The following LYPD6B variants were observed in gnomAD, a reference collection of about 807,000 sequenced individuals.
The protein encoded by LYPD6B is ly6/PLAUR domain-containing protein 6B.
A neutral mutation model predicts 22.8 loss-of-function variants in LYPD6B; 17 were observed. That is an observed-to-expected ratio of 0.75 (90% CI 0.51 to 1.12). The LOEUF (loss-of-function observed/expected upper bound fraction) is 1.12. LYPD6B is among the 50% of genes most tolerant of loss of function. The probability of loss-of-function intolerance (pLI) is 0.00; values close to 1 mark genes in which losing one functional copy is unlikely to be tolerated. For missense variants in LYPD6B, 221 were observed against 258.3 expected, an observed-to-expected ratio of 0.86 and a Z score of 0.99; for synonymous variants, 106 against 91.6, an observed-to-expected ratio of 1.16 and a Z score of -0.90.
chr2:149,195,851 A>G (rs1692774985), intron 3 of LYPD6B, among the ~76,000 whole-genome samples: 1 of 152,146 alleles, frequency 6.6e-6, no homozygotes, highest in Non-Finnish European at 1.5e-5. Context: ...CAATATAGGT[A>G]TTTGATATCT....
At chr2:149,187,342 A>G in intron 3 of LYPD6B, 1 of 1,357,758 alleles carries the variant, frequency 7.4e-7, no homozygotes, top group South Asian at 1.8e-5. Flanking sequence ...TTAATTATTT[A>G]TGCCCAAATG....
At chr2:149,071,993 G>A (rs1010246441) in intron 1 of LYPD6B, among the ~76,000 whole-genome samples, 8 of 152,082 alleles carry the variant, frequency 5.3e-5, no homozygotes, top group Middle Eastern at 3.4e-3. Flanking sequence ...CTACAGTGGC[G>A]CAATCTCATT....
chr2:149,063,330 A>G (rs1558975775), intron 1 of LYPD6B, among the ~76,000 whole-genome samples: 1 of 152,132 alleles, frequency 6.6e-6, no homozygotes, highest in Non-Finnish European at 1.5e-5. Flanking sequence ...CCCGCCCCAT[A>G]ACACTATTGA....
intron 3 of LYPD6B, among the ~76,000 whole-genome samples, 156 bp downstream of exon 3, chr2:149,160,991 T>C (rs1690029774): frequency 6.6e-6 from 1 of 152,202 alleles, no homozygotes; most frequent in Non-Finnish European, 1.5e-5. Flanking sequence ...CACTGCTCAC[T>C]GTGATCCTGC....
chr2:149,042,911 A>G (rs1361529705), intron 1 of LYPD6B, among the ~76,000 whole-genome samples: 1 of 152,204 alleles, frequency 6.6e-6, no homozygotes, highest in Non-Finnish European at 1.5e-5. Context: ...TCAATTTTAT[A>G]GGATTTCTTT....
chr2:149,052,546 G>T (rs1424410375), intron 1 of LYPD6B, among the ~76,000 whole-genome samples: 1 of 152,198 alleles, frequency 6.6e-6, no homozygotes, highest in East Asian at 1.9e-4. Context: ...GTGGAAAATT[G>T]CTGAACTTCA....
intron 6 of LYPD6B, 46 bp from the exon 7 acceptor site, chr2:149,214,500 C>G: frequency 6.3e-7 from 1 of 1,585,598 alleles, no homozygotes; most frequent in Non-Finnish European, 8.7e-7. Context: ...TGCCCCTTCC[C>G]TCTTCTATTA....
chr2:149,117,735 T>G (rs963040887), intron 1 of LYPD6B, among the ~76,000 whole-genome samples: 3 of 152,196 alleles, frequency 2.0e-5, no homozygotes, highest in Non-Finnish European at 4.4e-5. Context: ...TTGTTCCAAT[T>G]TAGTCTTGCC....
At chr2:149,062,532 C>A (rs1684136258) in intron 1 of LYPD6B, among the ~76,000 whole-genome samples, 1 of 152,102 alleles carries the variant, frequency 6.6e-6, no homozygotes, top group African/African-American at 2.4e-5. Context: ...GGAAAAGCAA[C>A]AGGAAAATGA....
chr2:149,101,304 C>T (rs546218195), intron 1 of LYPD6B: 11 of 152,372 alleles, frequency 7.2e-5, no homozygotes, highest in African/African-American at 2.2e-4. Flanking sequence ...ACTGCGAATG[C>T]TTCGTTTTTC....
intron 3 of LYPD6B, among the ~76,000 whole-genome samples, chr2:149,196,261 A>G (rs989251361): frequency 1.3e-5 from 2 of 152,232 alleles, no homozygotes; most frequent in Non-Finnish European, 2.9e-5. Context: ...TATTGCTTTT[A>G]TAAGCTTGTC....
rs575565689 is a variant in LYPD6B, at chr2:149,083,562, G to A, written c.-67+44761G>A. ...TGTTTTAAAGAACGCCCCACATTAT[G>A]GGTTTCTTGATGGTTTCTTTGCATG... On this transcript the variant is annotated intron_variant, in intron 1 of 6. Coordinates refer to ENST00000409642, the MANE Select transcript of LYPD6B (RefSeq NM_177964.5). Among the ~76,000 whole-genome samples, 9 of 152,206 alleles carry A rather than the reference G, an allele frequency of 5.9e-5. No individual in the cohort carries two copies. The East Asian group carries it at 1.7e-3, about 29-fold the overall frequency.
At chr2:149,163,919 G>T (rs993989519) in intron 3 of LYPD6B, among the ~76,000 whole-genome samples, 19 of 152,174 alleles carry the variant, frequency 1.2e-4, no homozygotes, top group Non-Finnish European at 1.8e-4. Flanking sequence ...AGGAAAGAAA[G>T]TGAATATCCA....
At chr2:149,040,448 ACTC>A (rs1660292166) in intron 1 of LYPD6B, among the ~76,000 whole-genome samples, 1 of 151,764 alleles carries the variant, frequency 6.6e-6, no homozygotes, top group Admixed American at 6.6e-5. Flanking sequence ...CTGGTCTCGA[ACTC>A]CTAACCTCAA....
At chr2:149,192,811 T>C (rs1020213997) in intron 3 of LYPD6B, among the ~76,000 whole-genome samples, 7 of 152,118 alleles carry the variant, frequency 4.6e-5, no homozygotes, top group Admixed American at 3.3e-4. Context: ...TAAATGCAAA[T>C]TGATCTGCCT....
intron 1 of LYPD6B, among the ~76,000 whole-genome samples, chr2:149,106,300 A>G (rs1686468494): frequency 6.6e-6 from 1 of 152,150 alleles, no homozygotes; most frequent in Non-Finnish European, 1.5e-5. Context: ...TGCTGATTTC[A>G]TGGAATAAGT....
chr2:149,154,979 A>G (rs1400495534), intron 2 of LYPD6B, among the ~76,000 whole-genome samples: 1 of 152,224 alleles, frequency 6.6e-6, no homozygotes, highest in African/African-American at 2.4e-5. Context: ...ATTGAACTGC[A>G]TATGGAAGCT....
At chr2:149,072,906 G>C (rs1684688712) in intron 1 of LYPD6B, among the ~76,000 whole-genome samples, 1 of 152,166 alleles carries the variant, frequency 6.6e-6, no homozygotes, top group South Asian at 2.1e-4. Flanking sequence ...AAGGAGGAGA[G>C]AGAAAATGCT....
intron 2 of LYPD6B, among the ~76,000 whole-genome samples, chr2:149,150,075 A>T (rs1689274465): frequency 2.0e-5 from 3 of 152,252 alleles, no homozygotes; most frequent in Admixed American, 1.3e-4. Context: ...CTGCTTACCC[A>T]ACATGTACTG....
Sources: allele counts gnomAD v4.1 joint callset (sites outside exome capture counted in the v4.1 genomes callset), GRCh38; gene constraint gnomAD v4.1.1; transcripts MANE v1.5; gene names NCBI Gene and HGNC (gene_info 2026-07-23, HGNC 2026-07-21).